The following KCNMB2 variants were observed in gnomAD, a reference collection of about 807,000 sequenced individuals.
KCNMB2 encodes potassium calcium-activated channel subfamily M regulatory beta subunit 2, also known as calcium-activated potassium channel subunit beta-2.
A neutral mutation model predicts 24.5 loss-of-function variants in KCNMB2; 9 were observed. The ratio of observed to expected loss-of-function variants is 0.37; its 90% CI spans 0.22 to 0.64. KCNMB2 has a LOEUF of 0.64. Ranked by LOEUF, KCNMB2 falls within the 30% of genes least tolerant of loss-of-function variation. KCNMB2 has a pLI of 0.63. For missense variants in KCNMB2, 226 were observed against 284.3 expected, an observed-to-expected ratio of 0.79 and a Z score of 1.47; for synonymous variants, 109 against 104.4, an observed-to-expected ratio of 1.04 and a Z score of -0.27.
intron 1 of KCNMB2, among the ~76,000 whole-genome samples, chr3:178,705,989 T>C (rs1213151901): frequency 2.0e-5 from 3 of 152,114 alleles, no homozygotes; most frequent in African/African-American, 7.2e-5. Context: ...CTCCTGCTTC[T>C]ACCACCCACA....
chr3:178,776,710 A>C (rs1457342443), intron 1 of KCNMB2, among the ~76,000 whole-genome samples: 1 of 152,194 alleles, frequency 6.6e-6, no homozygotes, highest in Non-Finnish European at 1.5e-5. Flanking sequence ...GAATGTTGAC[A>C]TGATCACAGA....
intron 1 of KCNMB2, among the ~76,000 whole-genome samples, chr3:178,548,570 G>C (rs943722830): frequency 2.0e-5 from 3 of 152,108 alleles, no homozygotes; most frequent in African/African-American, 4.8e-5. Flanking sequence ...TGAGCCCCAT[G>C]CATTTCAAAC....
At chr3:178,765,878 A>G (rs1050364287) in intron 1 of KCNMB2, among the ~76,000 whole-genome samples, 13 of 152,168 alleles carry the variant, frequency 8.5e-5, no homozygotes, top group African/African-American at 3.1e-4. Flanking sequence ...CTTTGCTCTT[A>G]CTTCTACCAG....
intron 2 of KCNMB2, among the ~76,000 whole-genome samples, chr3:178,807,849 A>G (rs1714035843): frequency 6.6e-6 from 1 of 152,120 alleles, no homozygotes; most frequent in Non-Finnish European, 1.5e-5. Flanking sequence ...ATAAATACTG[A>G]GCACCAAATG....
intron 1 of KCNMB2, among the ~76,000 whole-genome samples, chr3:178,682,318 A>G (rs1721298282): frequency 6.6e-6 from 1 of 152,198 alleles, no homozygotes; most frequent in African/African-American, 2.4e-5. Flanking sequence ...TAGTCACTAC[A>G]CAATAATTGC....
chr3:178,653,558 C>A (rs934844372), intron 1 of KCNMB2, among the ~76,000 whole-genome samples: 6 of 152,034 alleles, frequency 3.9e-5, no homozygotes, highest in Non-Finnish European at 8.8e-5. Context: ...TGATATGTAG[C>A]TTCTATAGAG....
chr3:178,579,286 A>G (rs1199303248), intron 1 of KCNMB2, among the ~76,000 whole-genome samples: 6 of 152,226 alleles, frequency 3.9e-5, no homozygotes, highest in Non-Finnish European at 8.8e-5. Context: ...TAAAAATGAA[A>G]TTATGGCAAA....
chr3:178,765,960 G>A (rs1712101170), intron 1 of KCNMB2, among the ~76,000 whole-genome samples: 1 of 151,968 alleles, frequency 6.6e-6, no homozygotes, highest in Non-Finnish European at 1.5e-5. Flanking sequence ...ACTTTCCTCT[G>A]TTCCTTTGAT....
chr3:178,670,473 G>A lies in KCNMB2; in HGVS notation c.-68+133762G>A, dbSNP rs78737561. On this transcript the variant is annotated intron_variant, in intron 1 of 4. Coordinates refer to ENST00000452583, the MANE Select transcript of KCNMB2 (RefSeq NM_181361.3). ...CAGTAATTAACACTTCTAGTGTTAC[G>A]TGCCAGTGTTCTGAGGTCTTTATTG... is the stretch of plus-strand genomic sequence containing the variant. 5.6e-3 allele frequency among the ~76,000 whole-genome samples: 849 copies of A among 152,196 alleles called. 4 individuals are homozygous for A. The highest frequency in any genetic ancestry group is 0.013 in the African/African-American group (520 of 41,530).
chr3:178,552,167 G>A (rs1715975041), intron 1 of KCNMB2, among the ~76,000 whole-genome samples: 1 of 152,176 alleles, frequency 6.6e-6, no homozygotes, highest in African/African-American at 2.4e-5. Flanking sequence ...TCCCCATCCA[G>A]ACGCTGACCA....
chr3:178,771,684 G>A (rs1003389325), intron 1 of KCNMB2, among the ~76,000 whole-genome samples: 6 of 151,650 alleles, frequency 4.0e-5, no homozygotes, highest in Non-Finnish European at 7.4e-5. Flanking sequence ...CCACTTCCAT[G>A]TGACTCACTT....
intron 1 of KCNMB2, among the ~76,000 whole-genome samples, chr3:178,736,832 G>A (rs548379570): frequency 1.3e-5 from 2 of 152,298 alleles, no homozygotes; most frequent in South Asian, 2.1e-4. Flanking sequence ...CATATGATGC[G>A]TGAAATGTCC....
intron 1 of KCNMB2, among the ~76,000 whole-genome samples, chr3:178,729,920 A>G (rs1231976186): frequency 6.6e-6 from 1 of 152,212 alleles, no homozygotes; most frequent in Non-Finnish European, 1.5e-5. Flanking sequence ...CTCAGGCTAC[A>G]TGCCCACTGC....
At chr3:178,677,125 G>A (rs1052702431) in intron 1 of KCNMB2, among the ~76,000 whole-genome samples, 5 of 152,166 alleles carry the variant, frequency 3.3e-5, no homozygotes, top group Admixed American at 6.5e-5. Context: ...TCCTCATGGT[G>A]TAAACTTTGC....
At chr3:178,635,443 A>T (rs7635920) in intron 1 of KCNMB2, among the ~76,000 whole-genome samples, 1 of 146,554 alleles carries the variant, frequency 6.8e-6, no homozygotes, top group Non-Finnish European at 1.5e-5. Context: ...ACACACACAC[A>T]CTCCCTTCCT....
intron 1 of KCNMB2, among the ~76,000 whole-genome samples, chr3:178,612,227 G>C (rs1718507377): frequency 6.6e-6 from 1 of 152,172 alleles, no homozygotes; most frequent in Non-Finnish European, 1.5e-5. Flanking sequence ...GAGTTCTGCA[G>C]ATGTTGGAAG....
intron 1 of KCNMB2, among the ~76,000 whole-genome samples, chr3:178,741,972 T>C (rs1212937850): frequency 3.3e-5 from 5 of 152,228 alleles, no homozygotes; most frequent in African/African-American, 1.2e-4. Flanking sequence ...AGAATAAACA[T>C]AAGCTTTAAC....
chr3:178,652,143 A>T (rs1314302341), intron 1 of KCNMB2, among the ~76,000 whole-genome samples: 1 of 152,220 alleles, frequency 6.6e-6, no homozygotes, highest in Non-Finnish European at 1.5e-5. Flanking sequence ...TAACCTGCAG[A>T]ATGGGAGAAA....
At chr3:178,717,494 G>A (rs1434685083) in intron 1 of KCNMB2, among the ~76,000 whole-genome samples, 2 of 152,056 alleles carry the variant, frequency 1.3e-5, no homozygotes, top group African/African-American at 2.4e-5. Flanking sequence ...TGCTGCCCAA[G>A]GGCCAGTCTG....
Sources: allele counts gnomAD v4.1 joint callset (sites outside exome capture counted in the v4.1 genomes callset), GRCh38; gene constraint gnomAD v4.1.1; transcripts MANE v1.5; gene names NCBI Gene and HGNC (gene_info 2026-07-23, HGNC 2026-07-21).